MTMR3: variants seen among roughly 807,000 people sequenced by gnomAD.
MTMR3 encodes myotubularin related protein 3.
In MTMR3, 32 loss-of-function variants were observed where a neutral mutation model predicts 132.4. The observed-to-expected ratio is 0.24, with a 90% CI of 0.18 to 0.32. MTMR3 has a LOEUF of 0.32. Ranked by LOEUF, MTMR3 falls within the 10% of genes least tolerant of loss-of-function variation. The pLI is 1.00. For synonymous variants in MTMR3, 556 were observed against 550.3 expected, an observed-to-expected ratio of 1.01 and a Z score of -0.14; for missense variants, 1,216 against 1,489.6, an observed-to-expected ratio of 0.82 and a Z score of 3.02.
Position 30,019,985 on chromosome 22 carries a change from C to T in MTMR3, c.2326C>T (p.Leu776Phe). 6.2e-7 allele frequency: 1 copy of T among 1,614,200 alleles called. No homozygotes were observed. The highest frequency in any genetic ancestry group is 8.5e-7 in the Non-Finnish European group (1 of 1,180,028). ...ACAGCAGAGTGGGCTCAGTGTTCTC[C>T]TCAGTTCTCTCCAGGTCCCCCCCAG... is the stretch of plus-strand genomic sequence containing the variant. ...SEQQSGLSVL[L>F]SSLQVPPRGE... The change falls in exon 17 of 20, where the codon CTC becomes TTC. Residue 776 changes from leucine (L) to phenylalanine (F), a missense_variant. Transcript: ENST00000401950.
Position 29,964,635 on chromosome 22 carries a change from A to G in MTMR3, c.-84-6341A>G, listed in dbSNP as rs533007193. ...CTAAACCTGTGAGTTACACACCAGGATATCTTTCACATACTTAGGCTTTTA... is the reference window on the plus strand; with the variant it reads ...CTAAACCTGTGAGTTACACACCAGGGTATCTTTCACATACTTAGGCTTTTA... On this transcript the variant is annotated intron_variant, in intron 2 of 19. Transcript: ENST00000401950. Among the ~76,000 whole-genome samples the G allele has an allele frequency of 2.0e-5, 3 of 152,276 alleles. No homozygotes were observed. The East Asian group carries it at 5.8e-4, about 29-fold the overall frequency.
At chr22:29,949,750 C>T (rs1175344148) in intron 1 of MTMR3, among the ~76,000 whole-genome samples, 1 of 151,782 alleles carries the variant, frequency 6.6e-6, no homozygotes, top group Non-Finnish European at 1.5e-5. Context: ...AGATTTTATT[C>T]TTTGATTGGT....
At chr22:29,934,832 C>T (rs1295111587) in intron 1 of MTMR3, among the ~76,000 whole-genome samples, 3 of 152,062 alleles carry the variant, frequency 2.0e-5, no homozygotes, top group African/African-American at 7.2e-5. Context: ...TAAGATAGTG[C>T]GTAAAAAGTA....
chr22:30,013,673 T>A, intron 14 of MTMR3, 132 bp downstream of exon 14: 1 of 486,114 alleles, frequency 2.1e-6, no homozygotes, highest in Non-Finnish European at 3.1e-6. Context: ...CTGTTTCTGC[T>A]TTTTTTTTTA....
At chr22:29,919,290 A>G (rs1306132819) in intron 1 of MTMR3, among the ~76,000 whole-genome samples, 1 of 152,138 alleles carries the variant, frequency 6.6e-6, no homozygotes, top group Non-Finnish European at 1.5e-5. Context: ...TACCATAACT[A>G]TATACATACT....
chr22:29,901,326 G>A (rs879936323), intron 1 of MTMR3, among the ~76,000 whole-genome samples: 3 of 151,290 alleles, frequency 2.0e-5, no homozygotes, highest in Non-Finnish European at 4.4e-5. Flanking sequence ...ATTTTTAGGC[G>A]AAATGTTAAT....
Position 29,943,166 on chromosome 22 carries a change from T to C in MTMR3, c.-137-13870T>C, listed in dbSNP as rs550505833. 4.5e-3 allele frequency among the ~76,000 whole-genome samples: 683 copies of C among 152,258 alleles called. 6 individuals carry two copies. Among genetic ancestry groups the C allele is most frequent in the African/African-American group, 0.016 (645 of 41,570 alleles). On this transcript the variant is annotated intron_variant, in intron 1 of 19. Coordinates refer to ENST00000401950, the MANE Select transcript of MTMR3 (RefSeq NM_021090.4). ...TCCCTCCGTTCGGGGTCCCTGACTT[T>C]CCGCAACAATGATGTGTGTATTTTT...
intron 1 of MTMR3, among the ~76,000 whole-genome samples, chr22:29,929,572 C>T (rs2065598556): frequency 6.6e-6 from 1 of 151,614 alleles, no homozygotes; most frequent in Admixed American, 6.6e-5. Context: ...TGTAGTGGCG[C>T]AATCTCGGCT....
At chr22:30,013,673 T>C (rs1601421432) in intron 14 of MTMR3, 132 bp downstream of exon 14, 12 of 486,020 alleles carry the variant, frequency 2.5e-5, no homozygotes, top group Non-Finnish European at 3.7e-5. Flanking sequence ...CTGTTTCTGC[T>C]TTTTTTTTTA....
At chr22:29,923,434 G>A (rs2065458873) in intron 1 of MTMR3, among the ~76,000 whole-genome samples, 2 of 151,708 alleles carry the variant, frequency 1.3e-5, no homozygotes, top group African/African-American at 4.9e-5. Context: ...CAAACTCCTG[G>A]GCTTAAGTGA....
chr22:29,966,167 T>C (rs182920808), intron 2 of MTMR3, among the ~76,000 whole-genome samples: 414 of 152,326 alleles, frequency 2.7e-3, no homozygotes, highest in African/African-American at 9.3e-3. Flanking sequence ...CTCCTTGGTA[T>C]ATAACTTTAT....
At chr22:29,960,151 T>C (rs980004355) in intron 2 of MTMR3, among the ~76,000 whole-genome samples, 1 of 152,130 alleles carries the variant, frequency 6.6e-6, no homozygotes, top group Non-Finnish European at 1.5e-5. Context: ...ACATACTGTT[T>C]AATTAATATG....
At position 29,951,957 on chromosome 22, in the gene MTMR3, A is replaced by G. The variant is rs538263844; in HGVS notation, c.-137-5079A>G. The stretch of plus-strand genomic sequence containing the variant: ...TGGAGTGTCGTGTAGTGGCTCGATC[A>G]TGGCTCACTGCAACCTCTGCCTCCT... On this transcript the variant is annotated intron_variant, in intron 1 of 19. Transcript: ENST00000401950. 4.3e-5 allele frequency among the ~76,000 whole-genome samples: 6 copies of G among 140,122 alleles called. No individual in the cohort carries two copies. In the South Asian group the frequency reaches 1.1e-3, roughly 26 times the overall value. The allele number at this position is 140,122 out of a possible 152,430, so 91.9% of individuals were successfully genotyped here.
At chr22:30,015,725 A>G (rs2067572079) in intron 14 of MTMR3, 1 of 152,176 alleles carries the variant, frequency 6.6e-6, no homozygotes, top group Non-Finnish European at 1.5e-5. Flanking sequence ...CTCTAGTTAC[A>G]TTTTACACAA....
chr22:29,926,466 GT>G (rs1181255270), intron 1 of MTMR3, among the ~76,000 whole-genome samples: 1 of 152,160 alleles, frequency 6.6e-6, no homozygotes, highest in African/African-American at 2.4e-5. Flanking sequence ...CTACCACACT[GT>G]TTCCCACAGT....
chr22:29,917,850 T>C (rs534794629), intron 1 of MTMR3, among the ~76,000 whole-genome samples: 2 of 152,256 alleles, frequency 1.3e-5, no homozygotes, highest in Non-Finnish European at 2.9e-5. Flanking sequence ...ATTGACATAC[T>C]GTGTCCATGA....
chr22:29,907,317 G>A (rs1016069986), intron 1 of MTMR3, among the ~76,000 whole-genome samples: 3 of 151,508 alleles, frequency 2.0e-5, no homozygotes, highest in African/African-American at 7.3e-5. Context: ...CAGGAGAATG[G>A]TGTGAACCCG....
At chr22:29,884,565 T>C (rs1602397245) in intron 1 of MTMR3, among the ~76,000 whole-genome samples, 2 of 143,244 alleles carry the variant, frequency 1.4e-5, no homozygotes, top group South Asian at 2.2e-4. Flanking sequence ...TTTTTTTTTT[T>C]TTTTTTTTTT....
At chr22:29,936,753 A>G (rs1000214947) in intron 1 of MTMR3, among the ~76,000 whole-genome samples, 27 of 152,224 alleles carry the variant, frequency 1.8e-4, no homozygotes, top group Admixed American at 6.5e-4. Context: ...CACATTTTCA[A>G]TTCAATAGCC....
Sources: allele counts gnomAD v4.1 joint callset (sites outside exome capture counted in the v4.1 genomes callset), GRCh38; gene constraint gnomAD v4.1.1; transcripts MANE v1.5; gene names NCBI Gene and HGNC (gene_info 2026-07-23, HGNC 2026-07-21).